The following JARID2 variants were observed in gnomAD, a reference collection of about 807,000 sequenced individuals.
JARID2 encodes the protein protein Jumonji.
In JARID2, 21 loss-of-function variants were observed where a neutral mutation model predicts 125.6. The ratio of observed to expected loss-of-function variants is 0.17; its 90% CI spans 0.12 to 0.24. The LOEUF (loss-of-function observed/expected upper bound fraction) is 0.24. Among genes scored for constraint, JARID2 ranks in the 10% least tolerant of loss-of-function variants. The pLI, the probability that JARID2 is intolerant of heterozygous loss-of-function variation, is 1.00. For synonymous variants in JARID2, 736 were observed against 661.6 expected (o/e 1.11, Z -1.73); for missense variants, 1,303 against 1,639.6 (o/e 0.79, Z 3.55).
chr6:15,457,753 CAGTG>C (rs746157054), intron 4 of JARID2, among the ~76,000 whole-genome samples: 8 of 151,996 alleles, frequency 5.3e-5, no homozygotes, highest in Non-Finnish European at 8.8e-5. Flanking sequence ...CTGTTAATGA[CAGTG>C]AGAAATCTTT....
chr6:15,341,627 C>T (rs925722440), intron 1 of JARID2, among the ~76,000 whole-genome samples: 4 of 152,170 alleles, frequency 2.6e-5, no homozygotes, highest in Non-Finnish European at 5.9e-5. Context: ...GGGGGTAATA[C>T]TGTACTCTAG....
chr6:15,492,474 A>G (rs1041291631), intron 6 of JARID2, among the ~76,000 whole-genome samples: 11 of 152,314 alleles, frequency 7.2e-5, no homozygotes, highest in Admixed American at 7.2e-4. Context: ...TTCGGTAACA[A>G]GGTAAGACAA....
chr6:15,474,036 C>T lies in JARID2; in HGVS notation c.670+5318C>T, dbSNP rs1769222864. ...AGCTCTCAGTAGCTGGCTAGCTGTGCTGCCTTCCCCAGTCTATTTCACATC... is the reference window on the plus strand; with the variant it reads ...AGCTCTCAGTAGCTGGCTAGCTGTGTTGCCTTCCCCAGTCTATTTCACATC... On this transcript the variant is annotated intron_variant, in intron 5 of 17. Coordinates refer to ENST00000341776, the MANE Select transcript of JARID2 (RefSeq NM_004973.4). Among the ~76,000 whole-genome samples, 3 of 152,226 alleles carry T rather than the reference C, an allele frequency of 2.0e-5. No individual in the cohort carries two copies. The South Asian group carries it at 6.2e-4, about 31-fold the overall frequency.
intron 3 of JARID2, among the ~76,000 whole-genome samples, chr6:15,443,570 C>T (rs768419082): frequency 1.3e-5 from 2 of 152,052 alleles, no homozygotes; most frequent in Non-Finnish European, 2.9e-5. Flanking sequence ...AGAAAGTTGG[C>T]GCTAGAAATC....
At chr6:15,471,074 T>A (rs1160533857) in intron 5 of JARID2, among the ~76,000 whole-genome samples, 1 of 152,224 alleles carries the variant, frequency 6.6e-6, no homozygotes, top group African/African-American at 2.4e-5. Context: ...ACAGCTGATG[T>A]GAACCTGAAC....
chr6:15,353,489 T>C (rs545194299), intron 1 of JARID2, among the ~76,000 whole-genome samples: 1 of 152,330 alleles, frequency 6.6e-6, no homozygotes, highest in Admixed American at 6.5e-5. Context: ...GGAAAAAATA[T>C]CATTATCGAG....
chr6:15,470,179 A>AAT (rs1769005356), intron 5 of JARID2, among the ~76,000 whole-genome samples: 1 of 151,030 alleles, frequency 6.6e-6, no homozygotes. Context: ...TCTGTCTCAA[A>AAT]AAAAAAAAAA....
At chr6:15,487,281 A>G (rs1439580186) in intron 5 of JARID2, 26 bp from the exon 6 acceptor site, 1 of 1,598,078 alleles carries the variant, frequency 6.3e-7, no homozygotes, top group African/African-American at 1.3e-5. Flanking sequence ...TAGTGATTTC[A>G]TTCTTGTTTT....
chr6:15,323,421 T>C, intron 1 of JARID2, among the ~76,000 whole-genome samples: 1 of 152,202 alleles, frequency 6.6e-6, no homozygotes, highest in East Asian at 1.9e-4. Context: ...ATATGTGGCT[T>C]GGCCTTCTCT....
At position 15,285,158 on chromosome 6, in the gene JARID2, T is replaced by C. The variant is rs546894484; in HGVS notation, c.45+38574T>C. ...GAAGTCTTGCTCTTGTTCTCCAGAC[T>C]GGAGTGCAATGGCACGATCTTGGCT... On this transcript the variant is annotated intron_variant, in intron 1 of 17. Transcript: ENST00000341776. Among the ~76,000 whole-genome samples the C allele has an allele frequency of 2.0e-3, 288 of 144,740 alleles. 2 individuals carry two copies. Among genetic ancestry groups the C allele is most frequent in the African/African-American group, 7.4e-3 (280 of 37,914 alleles). The allele number at this position is 144,740 out of a possible 152,430, so 95.0% of individuals were successfully genotyped here.
At chr6:15,520,028 AT>A in intron 17 of JARID2, 40 bp from the exon 18 acceptor site, 2 of 1,563,590 alleles carry the variant, frequency 1.3e-6, no homozygotes, top group Admixed American at 1.8e-5. Context: ...GCTCTTGTTA[AT>A]ACGGTATGTT....
chr6:15,417,680 T>G (rs1766293593), intron 3 of JARID2, among the ~76,000 whole-genome samples: 2 of 152,106 alleles, frequency 1.3e-5, no homozygotes. Flanking sequence ...AGATGGAGGT[T>G]GCAGTTAGCT....
chr6:15,343,202 C>T (rs1177385259), intron 1 of JARID2, among the ~76,000 whole-genome samples: 1 of 136,850 alleles, frequency 7.3e-6, no homozygotes, highest in Non-Finnish European at 1.5e-5. Flanking sequence ...GCACTCCAGC[C>T]TGGGCGACAA....
intron 1 of JARID2, among the ~76,000 whole-genome samples, chr6:15,313,292 A>G (rs1406815108): frequency 2.0e-5 from 3 of 152,180 alleles, no homozygotes; most frequent in South Asian, 2.1e-4. Context: ...GTGCCTGAGT[A>G]TGTACACTGT....
chr6:15,495,419 A>T (rs4712252), intron 6 of JARID2, among the ~76,000 whole-genome samples: 1 of 151,924 alleles, frequency 6.6e-6, no homozygotes, highest in East Asian at 1.9e-4. Flanking sequence ...TGTTGCTTCA[A>T]CAGTGAGGTC....
At chr6:15,400,559 C>T (rs896993392) in intron 2 of JARID2, among the ~76,000 whole-genome samples, 1 of 151,988 alleles carries the variant, frequency 6.6e-6, no homozygotes, top group Non-Finnish European at 1.5e-5. Context: ...TGTGAATGTC[C>T]CCCTCCCCCC....
At chr6:15,493,224 C>T (rs768509638) in intron 6 of JARID2, among the ~76,000 whole-genome samples, 22 of 152,056 alleles carry the variant, frequency 1.4e-4, no homozygotes, top group African/African-American at 4.6e-4. Context: ...GTAGGGTCCA[C>T]GGATTTGTGG....
chr6:15,491,926 A>C (rs1031088668), intron 6 of JARID2, among the ~76,000 whole-genome samples: 2 of 152,246 alleles, frequency 1.3e-5, no homozygotes, highest in Non-Finnish European at 2.9e-5. Context: ...GGACTTTCAT[A>C]TCTCTCACCT....
intron 4 of JARID2, among the ~76,000 whole-genome samples, chr6:15,456,024 C>T (rs1048343838): frequency 2.6e-5 from 4 of 152,192 alleles, no homozygotes; most frequent in African/African-American, 9.7e-5. Context: ...TTTAGTTATG[C>T]AGGTCTTTAC....
Sources: gnomAD v4.1 joint callset for allele counts (sites outside exome capture counted in the v4.1 genomes callset) on GRCh38, gnomAD v4.1.1 for gene constraint, MANE v1.5 for transcripts, NCBI Gene and HGNC (gene_info 2026-07-23, HGNC 2026-07-21) for gene names.